BTBD9: variants seen among roughly 807,000 people sequenced by gnomAD.
BTBD9 encodes BTB domain containing 9, also known as BTB/POZ domain-containing protein 9.
BTBD9 carries 49 observed loss-of-function variants against 64.3 expected under a neutral mutation model. The ratio of observed to expected loss-of-function variants is 0.76; its 90% CI spans 0.61 to 0.97. BTBD9 has a LOEUF of 0.97. Ranked by LOEUF, BTBD9 falls within the 50% of genes least tolerant of loss-of-function variation. The pLI is 0.00. For synonymous variants in BTBD9, 260 were observed against 274.7 expected (o/e 0.95, Z 0.53); for missense variants, 598 against 762.1 (o/e 0.78, Z 2.53).
chr6:38,636,099 C>G (rs192517559), intron 1 of BTBD9, among the ~76,000 whole-genome samples: 212 of 152,276 alleles, frequency 1.4e-3, no homozygotes, highest in African/African-American at 4.8e-3. Context: ...GCACATAGTA[C>G]CTTTGTGTTA....
chr6:38,452,170 TG>T (rs1311581568), intron 6 of BTBD9, among the ~76,000 whole-genome samples: 1 of 152,118 alleles, frequency 6.6e-6, no homozygotes, highest in African/African-American at 2.4e-5. Context: ...TTACAAACTG[TG>T]GTTAATTTTT....
chr6:38,604,883 T>C (rs1777376445), intron 1 of BTBD9, among the ~76,000 whole-genome samples: 1 of 152,150 alleles, frequency 6.6e-6, no homozygotes, highest in African/African-American at 2.4e-5. Context: ...TATGTATTTA[T>C]TTTAGACATG....
At chr6:38,441,479 G>C (rs891946803) in intron 6 of BTBD9, among the ~76,000 whole-genome samples, 2 of 152,090 alleles carry the variant, frequency 1.3e-5, no homozygotes, top group African/African-American at 4.8e-5. Flanking sequence ...TGGACAACGC[G>C]AGCCAATCAT....
intron 6 of BTBD9, among the ~76,000 whole-genome samples, chr6:38,564,330 A>C (rs1775388327): frequency 6.6e-6 from 1 of 152,174 alleles, no homozygotes; most frequent in African/African-American, 2.4e-5. Context: ...TGTTAATTCT[A>C]GTCCCAGTAC....
intron 1 of BTBD9, among the ~76,000 whole-genome samples, chr6:38,628,888 G>A (rs564708751): frequency 1.6e-4 from 24 of 152,214 alleles, no homozygotes; most frequent in Non-Finnish European, 3.1e-4. Flanking sequence ...TGATTCCAGG[G>A]AAGGGGTAGG....
chr6:38,193,526 G>A (rs1239869918), intron 9 of BTBD9, among the ~76,000 whole-genome samples: 1 of 152,194 alleles, frequency 6.6e-6, no homozygotes, highest in East Asian at 1.9e-4. Flanking sequence ...CATGGGCCAG[G>A]CCAGCTCATT....
intron 9 of BTBD9, among the ~76,000 whole-genome samples, chr6:38,196,621 G>A (rs866449026): frequency 2.0e-5 from 3 of 152,200 alleles, no homozygotes; most frequent in Middle Eastern, 3.2e-3. Flanking sequence ...CATGGCACCG[G>A]CTGGGTGTTA....
chr6:38,379,744 T>C (rs1765847803), intron 6 of BTBD9, among the ~76,000 whole-genome samples: 1 of 152,038 alleles, frequency 6.6e-6, no homozygotes, highest in Non-Finnish European at 1.5e-5. Context: ...AGGGAAACAA[T>C]CATACCACAT....
chr6:38,429,466 A>AAC (rs1285886622), intron 6 of BTBD9, among the ~76,000 whole-genome samples: 1 of 151,408 alleles, frequency 6.6e-6, no homozygotes, highest in East Asian at 1.9e-4. Context: ...AAAAAAAAAA[A>AAC]AAAAAGAAAG....
intron 6 of BTBD9, among the ~76,000 whole-genome samples, chr6:38,393,941 T>C (rs1766548211): frequency 6.6e-6 from 1 of 152,166 alleles, no homozygotes; most frequent in South Asian, 2.1e-4. Flanking sequence ...TGTAATATCC[T>C]GGGGATACAA....
chr6:38,420,046 G>GA (rs796495395), intron 6 of BTBD9, among the ~76,000 whole-genome samples: 18 of 151,062 alleles, frequency 1.2e-4, no homozygotes, highest in South Asian at 2.1e-4. Context: ...TACAAATTCT[G>GA]AAAAAAAACA....
intron 8 of BTBD9, among the ~76,000 whole-genome samples, chr6:38,264,402 G>A (rs1336359236): frequency 6.6e-6 from 1 of 152,206 alleles, no homozygotes; most frequent in Non-Finnish European, 1.5e-5. Context: ...CAGCTGTAAA[G>A]GTGAGGGAGA....
intron 1 of BTBD9, among the ~76,000 whole-genome samples, chr6:38,618,841 G>A (rs1324635678): frequency 2.0e-5 from 3 of 152,182 alleles, no homozygotes; most frequent in Non-Finnish European, 4.4e-5. Flanking sequence ...TGCAGCCCAA[G>A]AGTCTGGAGA....
chr6:38,502,507 G>C (rs1772260079), intron 6 of BTBD9, among the ~76,000 whole-genome samples: 1 of 152,326 alleles, frequency 6.6e-6, no homozygotes, highest in South Asian at 2.1e-4. Context: ...TGAAGGGAAA[G>C]AATGCTAAGG....
intron 6 of BTBD9, among the ~76,000 whole-genome samples, chr6:38,506,155 A>G (rs1249566396): frequency 1.3e-5 from 2 of 152,048 alleles, no homozygotes; most frequent in Non-Finnish European, 2.9e-5. Context: ...TAGCCAAATC[A>G]TCTTGATTCT....
chr6:38,324,085 A>AT (rs1432439853), intron 7 of BTBD9, among the ~76,000 whole-genome samples: 3 of 152,212 alleles, frequency 2.0e-5, no homozygotes, highest in African/African-American at 7.2e-5. Context: ...CCCAGGTGAC[A>AT]GCCTGTCTCG....
intron 7 of BTBD9, among the ~76,000 whole-genome samples, chr6:38,331,471 C>A (rs1763673436): frequency 6.6e-6 from 1 of 152,008 alleles, no homozygotes; most frequent in Non-Finnish European, 1.5e-5. Flanking sequence ...GAGACAGACT[C>A]CCTCTCAAAA....
intron 6 of BTBD9, among the ~76,000 whole-genome samples, chr6:38,492,868 G>C (rs746684055): frequency 1.3e-5 from 2 of 152,126 alleles, no homozygotes; most frequent in Non-Finnish European, 2.9e-5. Flanking sequence ...AAAATTACAT[G>C]ATGATATAAA....
chr6:38,404,379 A>G (rs1166452577), intron 6 of BTBD9, among the ~76,000 whole-genome samples: 1 of 152,200 alleles, frequency 6.6e-6, no homozygotes, highest in Admixed American at 6.5e-5. Context: ...ATCTTCAAAC[A>G]GTAGTAGACC....
Sources: allele counts gnomAD v4.1 joint callset (sites outside exome capture counted in the v4.1 genomes callset), GRCh38; gene constraint gnomAD v4.1.1; transcripts MANE v1.5; gene names NCBI Gene and HGNC (gene_info 2026-07-23, HGNC 2026-07-21).